THEM4: variants seen among roughly 807,000 people sequenced by gnomAD.
The protein encoded by THEM4 is acyl-coenzyme A thioesterase THEM4.
THEM4 carries 22 observed loss-of-function variants against 25.0 expected under a neutral mutation model. The ratio of observed to expected loss-of-function variants is 0.88; its 90% confidence interval spans 0.63 to 1.26. The LOEUF is 1.26. Ranked by LOEUF, THEM4 falls within the 50% of genes most tolerant of loss-of-function variation. The pLI is 0.00. For missense variants in THEM4, 286 were observed against 300.3 expected (o/e 0.95, Z 0.35); for synonymous variants, 113 against 105.6 (o/e 1.07, Z -0.43).
chr1:151,882,453 C>T (rs911075519), intron 4 of THEM4, among the ~76,000 whole-genome samples: 12 of 151,398 alleles, frequency 7.9e-5, no homozygotes, highest in Non-Finnish European at 1.8e-4. Context: ...CAAAATATCT[C>T]TTTAAGAAAA....
intron 1 of THEM4, among the ~76,000 whole-genome samples, chr1:151,904,753 T>C (rs573048477): frequency 6.6e-6 from 1 of 152,238 alleles, no homozygotes; most frequent in African/African-American, 2.4e-5. Flanking sequence ...AGTTACTGAC[T>C]GGGAAAGAGA....
rs1027429198 is a variant in THEM4 at position 151,906,241 on chromosome 1, G to T, written c.99+3119C>A. On this transcript the variant is annotated intron_variant, in intron 1 of 5. Coordinates refer to ENST00000368814, the MANE Select transcript of THEM4 (RefSeq NM_053055.5). ...GCCCTGCACTCGGAGCAGCCAGCCGGCCCTGCCGGCCCCACGCAATGAGGG... is the reference window on the plus strand; with the variant it reads ...GCCCTGCACTCGGAGCAGCCAGCCGTCCCTGCCGGCCCCACGCAATGAGGG... Among the ~76,000 whole-genome samples, 12 of 152,366 alleles carry T rather than the reference G, an allele frequency of 7.9e-5. No homozygotes were observed. In the South Asian group the frequency reaches 2.5e-3, roughly 32 times the overall value.
intron 4 of THEM4, among the ~76,000 whole-genome samples, chr1:151,884,395 C>A (rs929082851): frequency 4.6e-5 from 7 of 152,162 alleles, no homozygotes; most frequent in African/African-American, 1.7e-4. Context: ...ACATTTACCC[C>A]TCTTGTTCTT....
intron 2 of THEM4, chr1:151,894,763 T>C (rs1654180701): frequency 1.5e-5 from 9 of 602,104 alleles, no homozygotes; most frequent in Non-Finnish European, 2.6e-5. Context: ...TCTGGGGCCC[T>C]TTCTTCACTC....
intron 1 of THEM4, among the ~76,000 whole-genome samples, chr1:151,895,995 T>C (rs1654215245): frequency 6.8e-6 from 1 of 147,778 alleles, no homozygotes; most frequent in Non-Finnish European, 1.5e-5. Context: ...TTCCTTTTTT[T>C]TTTTTTTTTT....
intron 1 of THEM4, among the ~76,000 whole-genome samples, chr1:151,908,974 A>G (rs1318718948): frequency 6.6e-6 from 1 of 152,214 alleles, no homozygotes; most frequent in Non-Finnish European, 1.5e-5. Context: ...ATATTTTTTT[A>G]AAGGGAAGAT....
Position 151,893,386 on chromosome 1 carries a change from A to AC in THEM4, c.286+1621_286+1622insG, listed in dbSNP as rs1237922073. Among the ~76,000 whole-genome samples the AC allele has an allele frequency of 2.1e-5, 3 of 141,222 alleles. No individual in the cohort carries two copies. The East Asian group carries it at 6.2e-4, about 29-fold the overall frequency. 92.6% of individuals were successfully genotyped at this position (141,222 alleles called of 152,430 possible). ...GACTCATTCTCAAAACCAAAAACAA[A>AC]AAAAACAAAAAAACAACAAAACAAA... is the stretch of plus-strand genomic sequence containing the variant. On this transcript the variant is annotated intron_variant, in intron 2 of 5. Transcript: ENST00000368814.
intron 2 of THEM4, among the ~76,000 whole-genome samples, chr1:151,893,641 A>G (rs565030246): frequency 1.1e-4 from 17 of 152,214 alleles, no homozygotes; most frequent in African/African-American, 4.1e-4. Context: ...GGGGGAGGAT[A>G]TGTGAGGCAA....
At chr1:151,894,895 C>T (rs1654184264) in intron 2 of THEM4, 113 bp downstream of exon 2, 1 of 1,228,526 alleles carries the variant, frequency 8.1e-7, no homozygotes, top group Admixed American at 1.9e-5. Flanking sequence ...ACTATAGAAC[C>T]ATAATCCTGC....
At chr1:151,893,390 A>AC (rs1654137748) in intron 2 of THEM4, among the ~76,000 whole-genome samples, 1 of 141,574 alleles carries the variant, frequency 7.1e-6, no homozygotes, top group East Asian at 2.1e-4. Flanking sequence ...AAACAAAAAA[A>AC]ACAAAAAAAC....
chr1:151,883,050 GGAGA>G (rs10549601), intron 4 of THEM4, among the ~76,000 whole-genome samples: 36 of 149,694 alleles, frequency 2.4e-4, no homozygotes, highest in African/African-American at 3.9e-4. Flanking sequence ...CATGGTGGCA[GGAGA>G]GAGAGAGAGA....
chr1:151,893,426 A>AAG (rs3071185), intron 2 of THEM4, among the ~76,000 whole-genome samples: 3 of 146,898 alleles, frequency 2.0e-5, no homozygotes, highest in South Asian at 2.2e-4. Context: ...CCCAAAACAA[A>AAG]AGAGAGAGAG....
chr1:151,909,330 C>T, intron 1 of THEM4, 30 bp downstream of exon 1: 1 of 1,503,564 alleles, frequency 6.7e-7, no homozygotes, highest in Non-Finnish European at 8.9e-7. Flanking sequence ...GTCCTGCTCC[C>T]GCCCCATGCC....
chr1:151,883,403 C>T (rs1052457526), intron 4 of THEM4, among the ~76,000 whole-genome samples: 10 of 152,070 alleles, frequency 6.6e-5, no homozygotes, highest in South Asian at 6.2e-4. Context: ...GCGTGAGCCA[C>T]GGTGCCCAGC....
At chr1:151,880,218 C>T (rs1653780126) in intron 4 of THEM4, among the ~76,000 whole-genome samples, 1 of 151,808 alleles carries the variant, frequency 6.6e-6, no homozygotes, top group African/African-American at 2.4e-5. Flanking sequence ...TGTGTCACAC[C>T]TGTAATCCTA....
At chr1:151,888,431 A>C (rs1395801310) in intron 3 of THEM4, 48 bp from the exon 4 acceptor site, 1 of 1,423,854 alleles carries the variant, frequency 7.0e-7, no homozygotes. Flanking sequence ...AGTTCTGAAG[A>C]TAGAGAGCCT....
intron 4 of THEM4, 65 bp from the exon 5 acceptor site, chr1:151,877,190 G>A: frequency 6.7e-7 from 1 of 1,498,144 alleles, no homozygotes; most frequent in Admixed American, 2.0e-5. Flanking sequence ...ATTAAAAGAT[G>A]ATCAAGTACA....
At chr1:151,894,357 A>G (rs1282682419) in intron 2 of THEM4, among the ~76,000 whole-genome samples, 29 of 152,246 alleles carry the variant, frequency 1.9e-4, no homozygotes, top group Admixed American at 1.8e-3. Context: ...AAAACAAACT[A>G]TGGACCTTAA....
chr1:151,873,422 C>T lies in THEM4; in HGVS notation c.*1466G>A, dbSNP rs1422875387. Reference sequence around the variant, plus strand: ...CTTTCTTTATACTTTGTCTCTGTGCCTTATTTCTTTTCTCAGTCTCTCATC... The same window carrying T: ...CTTTCTTTATACTTTGTCTCTGTGCTTTATTTCTTTTCTCAGTCTCTCATC... On this transcript the variant is annotated 3_prime_UTR_variant, in exon 6 of 6. Transcript: ENST00000368814. Among the ~76,000 whole-genome samples the T allele has an allele frequency of 6.6e-6, 1 of 152,118 alleles. No homozygotes were observed. Among genetic ancestry groups the T allele is most frequent in the African/African-American group, 2.4e-5 (1 of 41,422 alleles).
Sources: gnomAD v4.1 joint callset for allele counts (sites outside exome capture counted in the v4.1 genomes callset) on GRCh38, gnomAD v4.1.1 for gene constraint, MANE v1.5 for transcripts, NCBI Gene and HGNC (gene_info 2026-07-23, HGNC 2026-07-21) for gene names.